Variants in TBC1D22A observed in about 807,000 individuals in gnomAD.
TBC1D22A encodes putative GTPase activator.
TBC1D22A carries 38 observed loss-of-function variants against 60.2 expected under a neutral mutation model. The observed-to-expected ratio is 0.63, with a 90% CI of 0.49 to 0.83. The LOEUF is 0.83. Ranked by LOEUF, TBC1D22A falls within the 40% of genes least tolerant of loss-of-function variation. The pLI is 0.00. For synonymous variants in TBC1D22A, 302 were observed against 281.7 expected (o/e 1.07, Z -0.72); for missense variants, 628 against 701.0 (o/e 0.90, Z 1.18).
chr22:46,981,267 T>C (rs2148163196), intron 9 of TBC1D22A, among the ~76,000 whole-genome samples: 3 of 152,354 alleles, frequency 2.0e-5, no homozygotes, highest in East Asian at 3.9e-4. Context: ...TGGTTGTCAA[T>C]GCCTGACATG....
Position 47,018,519 on chromosome 22 carries a change from G to T in TBC1D22A, c.1202-18552G>T, listed in dbSNP as rs760441386. ...CTGTCCTGCCTCTTGGAACCAGTCC[G>T]TCTGTCCGTCCCACTCTCTCCCCTG... On this transcript the variant is annotated intron_variant, in intron 10 of 12. Transcript: ENST00000337137. Among the ~76,000 whole-genome samples the T allele has an allele frequency of 7.2e-5, 11 of 152,160 alleles. No individual in the cohort carries two copies. The South Asian group carries it at 2.3e-3, about 32-fold the overall frequency.
intron 8 of TBC1D22A, among the ~76,000 whole-genome samples, chr22:46,949,282 G>C (rs114853433): frequency 1.3e-5 from 2 of 152,340 alleles, no homozygotes; most frequent in East Asian, 3.9e-4. Flanking sequence ...GTGGTTCAGG[G>C]AGTCAGAGGC....
chr22:47,158,194 C>A (rs535294893), intron 12 of TBC1D22A, among the ~76,000 whole-genome samples: 1 of 152,178 alleles, frequency 6.6e-6, no homozygotes, highest in East Asian at 1.9e-4. Flanking sequence ...ATGGCCTCGA[C>A]CAGCACTCAG....
At chr22:46,870,383 A>C (rs1387921604) in intron 4 of TBC1D22A, among the ~76,000 whole-genome samples, 2 of 152,236 alleles carry the variant, frequency 1.3e-5, no homozygotes, top group African/African-American at 4.8e-5. Flanking sequence ...GTTTTCCTGA[A>C]AATATTCCAA....
chr22:46,857,566 C>T (rs982754313), intron 4 of TBC1D22A, among the ~76,000 whole-genome samples: 5 of 152,158 alleles, frequency 3.3e-5, no homozygotes, highest in East Asian at 3.9e-4. Context: ...AGTGTGTTTG[C>T]AGAATTGCTT....
rs1403596097 is a variant in TBC1D22A at position 46,974,316 on chromosome 22, G to A, written c.1042G>A (p.Val348Ile). 28 of 1,602,382 alleles carry A rather than the reference G, an allele frequency of 1.7e-5. No individual in the cohort carries two copies. The highest frequency in any genetic ancestry group is 5.6e-5 in the South Asian group (5 of 88,788). ...IEAEEVDTVD[V>I]SGVPAEVLCN... ...GGCAGAGGAGGTGGACACGGTGGAC[G>A]TCTCCGGCGTGCCCGCAGAGGTGCT... Residue 348 changes from valine to isoleucine, a missense_variant, in exon 9 of 13, where the codon GTC becomes ATC. Coordinates refer to ENST00000337137, the MANE Select transcript of TBC1D22A (RefSeq NM_014346.5).
intron 8 of TBC1D22A, among the ~76,000 whole-genome samples, chr22:46,967,685 C>A (rs1281959153): frequency 6.6e-6 from 1 of 152,208 alleles, no homozygotes; most frequent in Non-Finnish European, 1.5e-5. Context: ...GAGGGATTTT[C>A]CCCTTTCCCC....
In TBC1D22A at chr22:47,155,243, G is replaced by GAC. The variant is rs572344787; in HGVS notation, c.1426-18253_1426-18252dup. Among the ~76,000 whole-genome samples the GAC allele has an allele frequency of 5.8e-3, 875 of 152,162 alleles. 6 individuals carry two copies. Among genetic ancestry groups the GAC allele is most frequent in the African/African-American group, 0.02 (821 of 41,476 alleles). On this transcript the variant is annotated intron_variant, in intron 12 of 12. Transcript: ENST00000337137. ...AAAAAAAAATGAAATGAATTACAAG[G>GAC]ACAGTATACATCGCTGTGCCATGAG...
In TBC1D22A at chr22:46,792,619, TGGGA is replaced by T. The variant is rs776237932; in HGVS notation, c.119+47_119+50del. The T allele has an allele frequency of 5.0e-6, 8 of 1,614,034 alleles. No individual in the cohort carries two copies. In the African/African-American group the frequency reaches 5.3e-5, roughly 11 times the overall value. On this transcript the variant is annotated intron_variant, in intron 2 of 12. Coordinates refer to ENST00000337137, the MANE Select transcript of TBC1D22A (RefSeq NM_014346.5). ...CTCACTTGGCGTCTCGGCTCTGATA[TGGGA>T]GGGCTGTGGCAACCCCGGTCTTCCT...
chr22:47,124,790 T>G (rs1170083897), intron 12 of TBC1D22A, among the ~76,000 whole-genome samples: 1 of 151,540 alleles, frequency 6.6e-6, no homozygotes, highest in Non-Finnish European at 1.5e-5. Flanking sequence ...GTGATGAGTT[T>G]GGGCTCCACC....
chr22:46,802,353 T>A (rs1461836463), intron 4 of TBC1D22A, among the ~76,000 whole-genome samples: 1 of 152,044 alleles, frequency 6.6e-6, no homozygotes, highest in Non-Finnish European at 1.5e-5. Context: ...ATGTGGAGGG[T>A]AGAGGCTGGA....
At chr22:46,958,374 C>A (rs2148042035) in intron 8 of TBC1D22A, among the ~76,000 whole-genome samples, 1 of 152,260 alleles carries the variant, frequency 6.6e-6, no homozygotes, top group African/African-American at 2.4e-5. Flanking sequence ...GGTCCCAGGG[C>A]AGCCTGTATC....
intron 4 of TBC1D22A, among the ~76,000 whole-genome samples, chr22:46,827,168 G>A (rs528781549): frequency 6.4e-4 from 98 of 152,310 alleles, no homozygotes; most frequent in African/African-American, 2.1e-3. Flanking sequence ...CCTCAGGTGA[G>A]TGGGGTCTCC....
At chr22:46,869,633 C>T (rs1466282851) in intron 4 of TBC1D22A, among the ~76,000 whole-genome samples, 3 of 152,176 alleles carry the variant, frequency 2.0e-5, no homozygotes, top group Non-Finnish European at 2.9e-5. Flanking sequence ...AGGACATATG[C>T]GTATTTTTGT....
intron 4 of TBC1D22A, among the ~76,000 whole-genome samples, chr22:46,832,008 G>C (rs1299000832): frequency 3.9e-5 from 6 of 152,202 alleles, no homozygotes; most frequent in Non-Finnish European, 8.8e-5. Flanking sequence ...GCCATCAGTT[G>C]CAAGTGCAGG....
intron 8 of TBC1D22A, among the ~76,000 whole-genome samples, chr22:46,968,115 C>T (rs1292429985): frequency 6.6e-6 from 1 of 152,226 alleles, no homozygotes; most frequent in Non-Finnish European, 1.5e-5. Flanking sequence ...GGCACCCACG[C>T]ACTGCGTGGC....
intron 8 of TBC1D22A, among the ~76,000 whole-genome samples, chr22:46,933,515 C>G (rs531104541): frequency 1.3e-5 from 2 of 152,332 alleles, no homozygotes; most frequent in South Asian, 4.1e-4. Context: ...GAGGCAGTCT[C>G]TGATGGGGTG....
intron 8 of TBC1D22A, among the ~76,000 whole-genome samples, chr22:46,921,555 G>A (rs1054566268): frequency 2.6e-5 from 4 of 152,194 alleles, no homozygotes; most frequent in African/African-American, 7.2e-5. Context: ...GAACATACAC[G>A]TGTATGTGTC....
intron 6 of TBC1D22A, among the ~76,000 whole-genome samples, chr22:46,893,144 C>T (rs1019050600): frequency 1.3e-5 from 2 of 152,342 alleles, no homozygotes; most frequent in Non-Finnish European, 2.9e-5. Context: ...GGGGTGGCCT[C>T]GGCAGGTTTC....
Sources: gnomAD v4.1 joint callset for allele counts (sites outside exome capture counted in the v4.1 genomes callset) on GRCh38, gnomAD v4.1.1 for gene constraint, MANE v1.5 for transcripts, NCBI Gene and HGNC (gene_info 2026-07-23, HGNC 2026-07-21) for gene names.